The following CACNA2D3 variants were observed in gnomAD, a reference collection of about 807,000 sequenced individuals.
CACNA2D3 encodes the protein voltage-dependent calcium channel subunit alpha-2/delta-3.
In CACNA2D3, 60 loss-of-function variants were observed where a neutral mutation model predicts 160.6. The observed-to-expected ratio is 0.37, with a 90% confidence interval of 0.30 to 0.46. The LOEUF (loss-of-function observed/expected upper bound fraction) is 0.46, where lower values mean the gene tolerates loss of function less well. Among genes scored for constraint, CACNA2D3 ranks in the 20% least tolerant of loss-of-function variants. The probability of loss-of-function intolerance (pLI) is 1.00; values close to 1 mark genes in which losing one functional copy is unlikely to be tolerated. For synonymous variants in CACNA2D3, 558 were observed against 492.9 expected, an observed-to-expected ratio of 1.13 and a Z score of -1.75; for missense variants, 1,205 against 1,365.0, an observed-to-expected ratio of 0.88 and a Z score of 1.85.
At chr3:54,865,743 C>T (rs1299104411) in intron 17 of CACNA2D3, among the ~76,000 whole-genome samples, 1 of 152,182 alleles carries the variant, frequency 6.6e-6, no homozygotes, top group Admixed American at 6.5e-5. Context: ...GCAGGGGCTG[C>T]TGCATCTCAT....
intron 2 of CACNA2D3, among the ~76,000 whole-genome samples, chr3:54,291,074 A>G (rs1184206170): frequency 6.6e-6 from 1 of 152,206 alleles, no homozygotes; most frequent in Non-Finnish European, 1.5e-5. Flanking sequence ...AAATAAAAAT[A>G]TGTACCTACA....
rs117551242 is a variant in CACNA2D3 at position 54,199,345 on chromosome 3, C to G, written c.204+75751C>G. On this transcript the variant is annotated intron_variant, in intron 2 of 37. Transcript: ENST00000474759. ...CTACCTCTCTAAAAGAGGACTCTTTCTTGCTTTCTCTTTTTAAAAATTTTA... is the reference window on the plus strand; with the variant it reads ...CTACCTCTCTAAAAGAGGACTCTTTGTTGCTTTCTCTTTTTAAAAATTTTA... Among the ~76,000 whole-genome samples, 281 of 152,132 alleles carry G rather than the reference C, an allele frequency of 1.8e-3. 3 individuals carry two copies. In the East Asian group the frequency reaches 0.021, roughly 11 times the overall value.
At chr3:54,318,387 G>C (rs1399451296) in intron 2 of CACNA2D3, among the ~76,000 whole-genome samples, 1 of 152,120 alleles carries the variant, frequency 6.6e-6, no homozygotes. Flanking sequence ...TCAGGGAGCG[G>C]GGGGAAACAT....
intron 14 of CACNA2D3, among the ~76,000 whole-genome samples, chr3:54,833,475 A>G (rs1467246838): frequency 1.3e-5 from 2 of 152,098 alleles, no homozygotes; most frequent in Non-Finnish European, 2.9e-5. Flanking sequence ...CCCTTGCCTC[A>G]GTAGCAGCTA....
At chr3:54,484,180 A>T (rs923280075) in intron 4 of CACNA2D3, among the ~76,000 whole-genome samples, 4 of 152,216 alleles carry the variant, frequency 2.6e-5, no homozygotes, top group Admixed American at 2.6e-4. Context: ...TAACATGGCC[A>T]TTTTTTAAAA....
chr3:54,319,347 A>G (rs1196562507), intron 2 of CACNA2D3, among the ~76,000 whole-genome samples: 1 of 152,148 alleles, frequency 6.6e-6, no homozygotes, highest in Non-Finnish European at 1.5e-5. Flanking sequence ...TTTCACAACT[A>G]ACTCTTAAGG....
At position 54,263,210 on chromosome 3, in the gene CACNA2D3, G is replaced by C. The variant is rs114116932; in HGVS notation, c.205-57232G>C. Among the ~76,000 whole-genome samples, 617 of 152,266 alleles carry C rather than the reference G, an allele frequency of 4.1e-3. 3 individuals are homozygous for C. The highest frequency in any genetic ancestry group is 0.01 in the Middle Eastern group (3 of 294). On this transcript the variant is annotated intron_variant, in intron 2 of 37. Transcript: ENST00000474759. ...TTGTTGATACCTATTAAGGTAGTTG[G>C]TTAACTTTTAATTACTGAAAGTTGT...
At chr3:54,900,485 T>C (rs1451927783) in intron 27 of CACNA2D3, among the ~76,000 whole-genome samples, 1 of 152,166 alleles carries the variant, frequency 6.6e-6, no homozygotes, top group African/African-American at 2.4e-5. Context: ...GGGGCTTTCA[T>C]TGGTGGCATT....
chr3:54,975,537 A>C lies in CACNA2D3; in HGVS notation c.2556+5693A>C, dbSNP rs1043059540. On this transcript the variant is annotated intron_variant, in intron 29 of 37. Transcript: ENST00000474759. Reference sequence around the variant, plus strand: ...CTTGGTCTCCAAAAAAAAAAAAAAAAAAAAAAAAAACAACGTGGCCCCCTT... The same window carrying C: ...CTTGGTCTCCAAAAAAAAAAAAAAACAAAAAAAAAACAACGTGGCCCCCTT... 5.9e-3 allele frequency among the ~76,000 whole-genome samples: 897 copies of C among 151,044 alleles called. 25 individuals carry two copies. The highest frequency in any genetic ancestry group is 0.021 in the African/African-American group (865 of 41,146).
intron 11 of CACNA2D3, among the ~76,000 whole-genome samples, chr3:54,736,057 G>GTATATATA: frequency 2.3e-5 from 1 of 42,840 alleles, no homozygotes; most frequent in East Asian, 4.8e-4. Context: ...ACATACATAT[G>GTATATATA]TATGTATATA....
chr3:54,283,058 T>A (rs1702918927), intron 2 of CACNA2D3, among the ~76,000 whole-genome samples: 1 of 152,186 alleles, frequency 6.6e-6, no homozygotes, highest in African/African-American at 2.4e-5. Flanking sequence ...GATTTTTACT[T>A]TAAAAACAAA....
intron 9 of CACNA2D3, among the ~76,000 whole-genome samples, chr3:54,604,477 C>T (rs1424821309): frequency 6.6e-6 from 1 of 152,162 alleles, no homozygotes; most frequent in African/African-American, 2.4e-5. Context: ...GGCCTTACCT[C>T]CCCAAATCAC....
intron 27 of CACNA2D3, among the ~76,000 whole-genome samples, chr3:54,956,197 C>T (rs989756060): frequency 1.3e-5 from 2 of 152,192 alleles, no homozygotes; most frequent in African/African-American, 2.4e-5. Context: ...TGGGTATCTC[C>T]CTGGCCAGAG....
intron 15 of CACNA2D3, 117 bp from the exon 16 acceptor site, chr3:54,838,451 C>T (rs1447094021): frequency 3.8e-6 from 3 of 796,452 alleles, no homozygotes; most frequent in Non-Finnish European, 6.5e-6. Context: ...GGTTAATCCT[C>T]AATCTGTATC....
rs376834218 is a variant in CACNA2D3 at position 54,204,571 on chromosome 3, C to T, written c.204+80977C>T. Among the ~76,000 whole-genome samples the T allele has an allele frequency of 4.5e-4, 68 of 151,866 alleles. No homozygotes were observed. In the East Asian group the frequency reaches 0.011, roughly 24 times the overall value. On this transcript the variant is annotated intron_variant, in intron 2 of 37. Transcript: ENST00000474759. Reference sequence around the variant, plus strand: ...CAGCACTTTGGGAGGCCAAGGTGGGCGGATCACGAGGTCAGGAGTTCAAGA... The same window carrying T: ...CAGCACTTTGGGAGGCCAAGGTGGGTGGATCACGAGGTCAGGAGTTCAAGA...
intron 4 of CACNA2D3, among the ~76,000 whole-genome samples, chr3:54,445,252 C>A (rs561892760): frequency 6.6e-6 from 1 of 152,302 alleles, no homozygotes. Context: ...GTTGCCACAG[C>A]TGGAAACCCA....
chr3:54,788,342 A>T (rs1575475879), intron 13 of CACNA2D3, among the ~76,000 whole-genome samples: 1 of 152,084 alleles, frequency 6.6e-6, no homozygotes, highest in Non-Finnish European at 1.5e-5. Context: ...TCCTTGCCTG[A>T]TTGTTCAAGA....
chr3:54,194,279 A>T (rs1487665344), intron 2 of CACNA2D3, among the ~76,000 whole-genome samples: 1 of 152,212 alleles, frequency 6.6e-6, no homozygotes, highest in Non-Finnish European at 1.5e-5. Context: ...GATACCCCTG[A>T]TAGCCTGACT....
chr3:54,890,710 G>A (rs1419455314), intron 24 of CACNA2D3, among the ~76,000 whole-genome samples: 1 of 152,112 alleles, frequency 6.6e-6, no homozygotes, highest in African/African-American at 2.4e-5. Flanking sequence ...GAGTTCCTAT[G>A]TGTAGCCTCC....
Sources: allele counts gnomAD v4.1 joint callset (sites outside exome capture counted in the v4.1 genomes callset), GRCh38; gene constraint gnomAD v4.1.1; transcripts MANE v1.5; gene names NCBI Gene and HGNC (gene_info 2026-07-23, HGNC 2026-07-21).